Variants in BAP1 observed in about 807,000 individuals in gnomAD.
BAP1 encodes the protein BRCA1 associated deubiquitinase 1.
A neutral mutation model predicts 77.2 loss-of-function variants in BAP1; 16 were observed. The observed-to-expected ratio is 0.21, with a 90% CI of 0.14 to 0.31. The LOEUF (loss-of-function observed/expected upper bound fraction) is 0.31, where lower values mean the gene tolerates loss of function less well. Ranked by LOEUF, BAP1 falls within the 10% of genes least tolerant of loss-of-function variation. The pLI, the probability that BAP1 is intolerant of heterozygous loss-of-function variation, is 1.00. For missense variants in BAP1, 699 were observed against 967.3 expected, an observed-to-expected ratio of 0.72 and a Z score of 3.68; for synonymous variants, 362 against 385.2, an observed-to-expected ratio of 0.94 and a Z score of 0.71.
chr3:52,405,221 CACT>C lies in BAP1; in HGVS notation c.1002_1004del (p.Val336del). ...TGAGGCTGCTGCCTGGAGGCTTCAC[CACT>C]AGCTTGGGTTTGTTGGGAGGGCTGT... On this transcript the variant is annotated inframe_deletion, in exon 11 of 17. Coordinates refer to ENST00000460680, the MANE Select transcript of BAP1 (RefSeq NM_004656.4). The C allele has an allele frequency of 6.2e-7, 1 of 1,614,112 alleles. No homozygotes were observed. The highest frequency in any genetic ancestry group is 8.5e-7 in the Non-Finnish European group (1 of 1,180,038).
intron 10 of BAP1, 114 bp downstream of exon 10, chr3:52,405,651 G>T: frequency 2.0e-6 from 3 of 1,498,016 alleles, no homozygotes; most frequent in Non-Finnish European, 1.8e-6. Context: ...TCTGACGGGG[G>T]AAGAACACTG....
At chr3:52,407,870 C>G in intron 5 of BAP1, 88 bp downstream of exon 5, 1 of 1,581,910 alleles carries the variant, frequency 6.3e-7, no homozygotes, top group Non-Finnish European at 8.6e-7. Context: ...CTAATAGTAC[C>G]CAATATCATG....
rs1705137243 is a variant in BAP1 at position 52,405,795 on chromosome 3, C to G, written c.901G>C (p.Ala301Pro). ...KSPLVLEANR[A>P]PAASEGNHTD... ...TGGTTGCCCTCAGAGGCTGCAGGGG[C>G]CCTGTTTGCTTCCAGCACCAGCGGG... Residue 301 changes from alanine (A) to proline (P), a missense_variant, in exon 10 of 17, where the codon GCC becomes CCC. Transcript: ENST00000460680. 6.2e-7 allele frequency: 1 copy of G among 1,613,694 alleles called. No homozygotes were observed. The highest frequency in any genetic ancestry group is 2.2e-5 in the East Asian group (1 of 44,886).
intron 11 of BAP1, 84 bp downstream of exon 11, chr3:52,405,026 C>G: frequency 6.3e-7 from 1 of 1,579,462 alleles, no homozygotes. Flanking sequence ...AGGATGAACA[C>G]CAAGGAACCA....
chr3:52,406,282 G>A lies in BAP1; in HGVS notation c.754C>T (p.Arg252Cys), dbSNP rs764891422. 7 of 1,614,052 alleles carry A rather than the reference G, an allele frequency of 4.3e-6. No homozygotes were observed. Among genetic ancestry groups the A allele is most frequent in the Admixed American group, 1.7e-5 (1 of 60,008 alleles). Residue 252 changes from arginine to cysteine, a missense_variant, in exon 9 of 17, where the codon CGT becomes TGT. Arg to Cys is a radical substitution (Grantham distance 180). Transcript: ENST00000460680. The surrounding 1 kb of genome is among the most constrained non-coding windows in gnomAD (Gnocchi z 4.6). ...TGCAGAGCCTCTAGTACTGTCTGAC[G>A]GTTCACCTTCAGCACATGCAGCCTG... ...EARLHVLKVN[R>C]QTVLEALQQL...
At position 52,404,489 on chromosome 3, in the gene BAP1, T is replaced by C. The variant is rs1240520821; in HGVS notation, c.1214A>G (p.Glu405Gly). The change falls in exon 12 of 17, where the codon GAG (glutamate) becomes GGG (glycine). Residue 405 changes from glutamate to glycine, a missense_variant. Around this residue, in one of 3 missense-constraint regions of BAP1, gnomAD observed 475 missense variants for 532.4 expected, o/e 0.89. Coordinates refer to ENST00000460680, the MANE Select transcript of BAP1 (RefSeq NM_004656.4). ...GTTGGTGTTCTGCACGTCATCCTCC[T>C]CGTCATCCTCATAGTCATCCTCATC... ...SDDEDDYEDD[E>G]EDDVQNTNSA... 1 of 1,614,076 alleles carries C rather than the reference T, an allele frequency of 6.2e-7. No homozygotes were observed. The highest frequency in any genetic ancestry group is 2.2e-5 in the East Asian group (1 of 44,900).
rs1156966114 is a variant in BAP1 at position 52,401,821 on chromosome 3, C to T, written c.*467G>A. 1.1e-5 allele frequency: 3 copies of T among 265,228 alleles called. No individual in the cohort carries two copies. The highest frequency in any genetic ancestry group is 1.5e-5 in the Non-Finnish European group (2 of 136,312). 16.4% of individuals were successfully genotyped at this position (265,228 alleles called of 1,614,324 possible). ...CCCAGAGCCCAGGGCCCACCCAGGC[C>T]CCCAGCTAGGACCCTGTAGTTGGGA... On this transcript the variant is annotated 3_prime_UTR_variant, in exon 17 of 17. Transcript: ENST00000460680.
rs2153227365 is a variant in BAP1 at position 52,406,155 on chromosome 3, G to C, written c.783+98C>G. 6.3e-7 allele frequency: 1 copy of C among 1,596,624 alleles called. No individual in the cohort carries two copies. Among genetic ancestry groups the C allele is most frequent in the South Asian group, 1.1e-5 (1 of 90,072 alleles). On this transcript the variant is annotated intron_variant, in intron 9 of 16. Coordinates refer to ENST00000460680, the MANE Select transcript of BAP1 (RefSeq NM_004656.4). This position sits in a 1 kb window ranked among gnomAD's most constrained non-coding sequence, Gnocchi z 4.6. The stretch of plus-strand genomic sequence containing the variant: ...TTAGCTGAAGCCCAGATCTACAAGA[G>C]AGTATGTTCACGAATCAGAGACAAA...
Position 52,402,273 on chromosome 3 carries a change from C to T in BAP1, c.*15G>A, listed in dbSNP as rs1411968638. 2 of 1,599,932 alleles carry T rather than the reference C, an allele frequency of 1.3e-6. No individual in the cohort carries two copies. Among genetic ancestry groups the T allele is most frequent in the South Asian group, 2.3e-5 (2 of 88,218 alleles). On this transcript the variant is annotated 3_prime_UTR_variant, in exon 17 of 17. Coordinates refer to ENST00000460680, the MANE Select transcript of BAP1 (RefSeq NM_004656.4). This position sits in a 1 kb window ranked among gnomAD's most constrained non-coding sequence, Gnocchi z 5.3. The stretch of plus-strand genomic sequence containing the variant: ...ACACGGCAAGAGTGGGCTGCAGAGT[C>T]AGGGCCAGCAGTCCTCACTGGCGCT...
Position 52,403,901 on chromosome 3 carries a change from G to A in BAP1, c.1251-7C>T, listed in dbSNP as rs756136482. ...TGTTCCCTTCCCCTTATACCTGTGG[G>A]GCCCGAGAAGATGTGAAGCAAGGGA... On this transcript the variant is annotated splice_polypyrimidine_tract_variant and splice_region_variant and intron_variant, in intron 12 of 16. Transcript: ENST00000460680. The surrounding 1 kb of genome is among the most constrained non-coding windows in gnomAD (Gnocchi z 4.0). 9.3e-6 allele frequency: 15 copies of A among 1,613,720 alleles called. No homozygotes were observed. The South Asian group carries it at 1.6e-4, about 18-fold the overall frequency.
intron 5 of BAP1, 79 bp downstream of exon 5, chr3:52,407,879 T>G (rs1705215996): frequency 5.6e-6 from 9 of 1,597,714 alleles, no homozygotes; most frequent in Non-Finnish European, 7.7e-6. Context: ...CCCAATATCA[T>G]GTGGTAGCAT....
At chr3:52,407,846 GAA>G in intron 5 of BAP1, 110 bp downstream of exon 5, 1 of 1,507,208 alleles carries the variant, frequency 6.6e-7, no homozygotes, top group Non-Finnish European at 9.1e-7. Flanking sequence ...ACAATCATTT[GAA>G]AAAGAAACAG....
At position 52,403,718 on chromosome 3, in the gene BAP1, A is replaced by G. The variant is rs144060813; in HGVS notation, c.1427T>C (p.Val476Ala). ...GGGCTGCGAGTGTGTGGGCACTGCC[A>G]CAGCCGGACTCCCAGCCCCGCTGCT... ...KTSSGAGSPA[V>A]AVPTHSQPSP... The change falls in exon 13 of 17, where the codon GTG becomes GCG. Residue 476 changes from valine (V) to alanine (A), a missense_variant. Val to Ala is a moderately conservative substitution (Grantham distance 64, BLOSUM62 0). This residue lies in a region of BAP1 where 475 missense variants were observed against 532.4 expected (regional missense o/e 0.89). Transcript: ENST00000460680. The surrounding 1 kb of genome is among the most constrained non-coding windows in gnomAD (Gnocchi z 4.0). The G allele has an allele frequency of 5.5e-5, 89 of 1,613,916 alleles. No homozygotes were observed. The African/African-American group carries it at 1.1e-3, about 20-fold the overall frequency.
chr3:52,407,341 C>G, intron 6 of BAP1, 25 bp from the exon 7 acceptor site: 2 of 1,614,096 alleles, frequency 1.2e-6, no homozygotes, highest in Non-Finnish European at 1.7e-6. Context: ...AGTCAGGGCC[C>G]AAAAAATGAT....
At chr3:52,404,659 A>G in intron 11 of BAP1, 73 bp from the exon 12 acceptor site, 1 of 1,555,806 alleles carries the variant, frequency 6.4e-7, no homozygotes, top group Non-Finnish European at 8.7e-7. Context: ...TCACAGCCAG[A>G]GAGAAAGCCA....
At position 52,407,303 on chromosome 3, in the gene BAP1, G is replaced by C. The variant is rs1705197376; in HGVS notation, c.451C>G (p.His151Asp). The C allele has an allele frequency of 6.2e-7, 1 of 1,614,162 alleles. No homozygotes were observed. Among genetic ancestry groups the C allele is most frequent in the Non-Finnish European group, 8.5e-7 (1 of 1,180,036 alleles). ...AGGCCATTCTGCTTCTCAGGGAGGTGGCGTGGCTCGGGCCTGGGGAAAAAC... is the reference window on the plus strand; with the variant it reads ...AGGCCATTCTGCTTCTCAGGGAGGTCGCGTGGCTCGGGCCTGGGGAAAAAC... ...HNSHARPEPR[H>D]LPEKQNGLSA... The change falls in exon 7 of 17, where the codon CAC becomes GAC. Residue 151 changes from histidine to aspartate, a missense_variant. This residue lies in a region of BAP1 where 160 missense variants were observed against 322.8 expected (regional missense o/e 0.50). Transcript: ENST00000460680.
Position 52,402,093 on chromosome 3 carries a change from A to T in BAP1, c.*195T>A. 1.1e-6 allele frequency: 1 copy of T among 929,410 alleles called. No homozygotes were observed. Among genetic ancestry groups the T allele is most frequent in the South Asian group, 1.7e-5 (1 of 58,042 alleles). 57.6% of individuals were successfully genotyped at this position (929,410 alleles called of 1,614,324 possible). A position where few individuals can be genotyped will look rare whatever the true frequency, so the allele number is the denominator to read the frequency against. On this transcript the variant is annotated 3_prime_UTR_variant, in exon 17 of 17. Transcript: ENST00000460680. This position sits in a 1 kb window ranked among gnomAD's most constrained non-coding sequence, Gnocchi z 5.3. ...CAACTCCAGATGCTGCCTCCTGAGCACTATGGGGCTGATCTGCCGTGTCAG... is the reference window on the plus strand; with the variant it reads ...CAACTCCAGATGCTGCCTCCTGAGCTCTATGGGGCTGATCTGCCGTGTCAG...
chr3:52,402,292 T>A lies in BAP1; in HGVS notation c.2186A>T (p.Gln729Leu). The A allele has an allele frequency of 2.5e-6, 4 of 1,601,016 alleles. No homozygotes were observed. The highest frequency in any genetic ancestry group is 3.4e-6 in the Non-Finnish European group (4 of 1,175,406). The change falls in exon 17 of 17, where the codon CAG becomes CTG. Residue 729 changes from glutamine to leucine, a missense_variant. By Grantham distance (113) the Gln-to-Leu change is moderately radical. Transcript: ENST00000460680. The surrounding 1 kb of genome is among the most constrained non-coding windows in gnomAD (Gnocchi z 5.3). Reference sequence around the variant, plus strand: ...CAGAGTCAGGGCCAGCAGTCCTCACTGGCGCTTGGCCTTGTAGGGGCGAGA... The same window carrying A: ...CAGAGTCAGGGCCAGCAGTCCTCACAGGCGCTTGGCCTTGTAGGGGCGAGA... The part of the protein sequence containing the change: ...KRSRPYKAKR[Q>L]
At chr3:52,405,941 G>GA (rs1345653370) in intron 9 of BAP1, 29 bp from the exon 10 acceptor site, 1 of 1,613,474 alleles carries the variant, frequency 6.2e-7, no homozygotes. Flanking sequence ...GCTCAGAGGA[G>GA]AAAGGGTAGA....
Sources: allele counts gnomAD v4.1 joint callset, GRCh38; gene constraint gnomAD v4.1.1; regional missense constraint gnomAD v4.1.1; non-coding constraint Gnocchi (gnomAD v3.1); transcripts MANE v1.5; gene names NCBI Gene and HGNC (gene_info 2026-07-23, HGNC 2026-07-21).